Variants in LVRN observed in about 807,000 individuals in gnomAD.
The protein encoded by LVRN is laeverin.
A neutral mutation model predicts 111.4 loss-of-function variants in LVRN; 99 were observed. The observed-to-expected ratio is 0.89, with a 90% CI of 0.76 to 1.05. The LOEUF (loss-of-function observed/expected upper bound fraction) is 1.05, where lower values mean the gene tolerates loss of function less well. LVRN is among the 50% of genes least tolerant of loss of function. The pLI is 0.00. For missense variants in LVRN, 1,414 were observed against 1,206.8 expected, an observed-to-expected ratio of 1.17 and a Z score of -2.54; for synonymous variants, 488 against 449.5, an observed-to-expected ratio of 1.09 and a Z score of -1.08.
At chr5:116,005,208 C>T (rs987407790) in intron 12 of LVRN, among the ~76,000 whole-genome samples, 2 of 152,318 alleles carry the variant, frequency 1.3e-5, no homozygotes, top group South Asian at 2.1e-4. Context: ...TTGACTTGCT[C>T]GGACCCTTAA....
intron 13 of LVRN, among the ~76,000 whole-genome samples, chr5:116,008,303 C>T (rs1309612311): frequency 3.3e-5 from 5 of 152,052 alleles, no homozygotes; most frequent in Admixed American, 6.6e-5. Context: ...GAGATCATGC[C>T]GCTGCACTCC....
rs546657450 is a variant in LVRN at position 115,988,741 on chromosome 5, G to A, written c.1105+802G>A. On this transcript the variant is annotated intron_variant, in intron 4 of 19. Coordinates refer to ENST00000357872, the MANE Select transcript of LVRN (RefSeq NM_173800.5). ...GAGCATTCTGGCTAAGGAGGAATGG[G>A]GAATGAAGGGATGGAAACCAGCCTC... Among the ~76,000 whole-genome samples, 11 of 152,168 alleles carry A rather than the reference G, an allele frequency of 7.2e-5. No individual in the cohort carries two copies. The East Asian group carries it at 1.7e-3, about 24-fold the overall frequency.
At chr5:116,002,498 T>A (rs1370244208) in intron 10 of LVRN, among the ~76,000 whole-genome samples, 1 of 152,220 alleles carries the variant, frequency 6.6e-6, no homozygotes, top group East Asian at 1.9e-4. Flanking sequence ...TAGGTCTGTT[T>A]GCAGCATTTG....
intron 12 of LVRN, chr5:116,005,666 G>A: frequency 3.8e-6 from 2 of 524,290 alleles, no homozygotes; most frequent in East Asian, 3.9e-5. Context: ...GGAGTATTTT[G>A]GCAAAACTTT....
chr5:115,999,705 AT>A, intron 6 of LVRN, 56 bp from the exon 7 acceptor site: 1 of 1,564,638 alleles, frequency 6.4e-7, no homozygotes, highest in South Asian at 1.2e-5. Context: ...GGGCCATAGA[AT>A]TTTGGTCTTC....
intron 3 of LVRN, 48 bp downstream of exon 3, chr5:115,984,757 A>G (rs1003666149): frequency 1.9e-6 from 3 of 1,605,476 alleles, no homozygotes; most frequent in Non-Finnish European, 2.6e-6. Flanking sequence ...CTGGCTGCAG[A>G]TTATTCATCT....
At chr5:116,006,630 T>C (rs575865224) in intron 13 of LVRN, among the ~76,000 whole-genome samples, 1 of 152,356 alleles carries the variant, frequency 6.6e-6, no homozygotes, top group African/African-American at 2.4e-5. Flanking sequence ...ACTCCTCTTC[T>C]ACTGCTGTGA....
chr5:116,022,073 T>C (rs1298981566), intron 18 of LVRN: 1 of 233,276 alleles, frequency 4.3e-6, no homozygotes, highest in Non-Finnish European at 8.3e-6. Context: ...TATTTATTTA[T>C]TCCCTTAGAA....
rs1462925006 is a variant in LVRN, at chr5:115,977,537, C to T, written c.696-5750C>T. On this transcript the variant is annotated intron_variant, in intron 1 of 19. Transcript: ENST00000357872. ...TCCCTGTGGTGGCAAACAGAAGTCT[C>T]ATTATCTTTAGATTTGGGAATGCTA... Among the ~76,000 whole-genome samples the T allele has an allele frequency of 3.3e-5, 5 of 152,142 alleles. No individual in the cohort carries two copies. The South Asian group carries it at 6.2e-4, about 19-fold the overall frequency.
chr5:115,980,077 C>T (rs1753530738), intron 1 of LVRN, among the ~76,000 whole-genome samples: 1 of 152,118 alleles, frequency 6.6e-6, no homozygotes, highest in South Asian at 2.1e-4. Context: ...CTCTGCAATA[C>T]TGACCCACAA....
chr5:115,984,135 C>T (rs1489314960), intron 2 of LVRN, among the ~76,000 whole-genome samples: 2 of 152,258 alleles, frequency 1.3e-5, no homozygotes, highest in East Asian at 1.9e-4. Flanking sequence ...GTGATTTCAG[C>T]TTTAAAGGCC....
In LVRN at chr5:115,962,876, TGGCGACCCCCGG is replaced by T. The variant is rs757630088; in HGVS notation, c.263_274del (p.Arg88_Gly91del). On this transcript the variant is annotated inframe_deletion, in exon 1 of 20. Coordinates refer to ENST00000357872, the MANE Select transcript of LVRN (RefSeq NM_173800.5). ...AGCGGTGACGACCACCCCGAGCAAC[TGGCGACCCCCGG>T]GGCCCTGGGACCAGCTACGCCTGCC... 1.3e-5 allele frequency: 21 copies of T among 1,612,602 alleles called. No homozygotes were observed. The East Asian group carries it at 4.7e-4, about 36-fold the overall frequency.
At position 115,979,467 on chromosome 5, in the gene LVRN, T is replaced by C. The variant is rs138704312; in HGVS notation, c.696-3820T>C. Among the ~76,000 whole-genome samples, 1,183 of 152,166 alleles carry C rather than the reference T, an allele frequency of 7.8e-3. 18 individuals are homozygous for C. The highest frequency in any genetic ancestry group is 0.024 in the African/African-American group (1,011 of 41,526). ...CCCTCCCCTCCATCAAGAGATAGCTTCTCCAATCTCTTTTGTCTCCATTCT... is the reference window on the plus strand; with the variant it reads ...CCCTCCCCTCCATCAAGAGATAGCTCCTCCAATCTCTTTTGTCTCCATTCT... On this transcript the variant is annotated intron_variant, in intron 1 of 19. Coordinates refer to ENST00000357872, the MANE Select transcript of LVRN (RefSeq NM_173800.5).
intron 6 of LVRN, among the ~76,000 whole-genome samples, chr5:115,998,510 A>G (rs981257923): frequency 1.3e-5 from 2 of 152,208 alleles, no homozygotes; most frequent in Admixed American, 6.5e-5. Flanking sequence ...AGGGTGCGAT[A>G]TTATGGGTGA....
At chr5:115,969,132 G>A (rs1753266186) in intron 1 of LVRN, among the ~76,000 whole-genome samples, 1 of 152,182 alleles carries the variant, frequency 6.6e-6, no homozygotes, top group South Asian at 2.1e-4. Flanking sequence ...TTGTGTACAG[G>A]AGGAAGCGTC....
At chr5:116,011,038 C>CCTAAAATGAT (rs1748479856) in intron 14 of LVRN, 144 bp downstream of exon 14, 1 of 181,616 alleles carries the variant, frequency 5.5e-6, no homozygotes, top group Non-Finnish European at 9.4e-6. Context: ...GAAGTATATA[C>CCTAAAATGAT]ATTTCCTTAA....
In LVRN at chr5:115,991,924, T is replaced by G. The variant is rs768877527; in HGVS notation, c.1106-199T>G. Among the ~76,000 whole-genome samples the G allele has an allele frequency of 3.9e-5, 6 of 152,330 alleles. No homozygotes were observed. The East Asian group carries it at 9.6e-4, about 24-fold the overall frequency. On this transcript the variant is annotated intron_variant, in intron 4 of 19. Transcript: ENST00000357872. ...AATACAAGTCCTTTATCAAGAATAT[T>G]TTATGTTAACATAGTGAAAATAATT...
intron 14 of LVRN, among the ~76,000 whole-genome samples, chr5:116,011,754 G>C (rs542101675): frequency 6.6e-6 from 1 of 152,294 alleles, no homozygotes; most frequent in South Asian, 2.1e-4. Context: ...GATAACATCT[G>C]ATGACTTGTT....
intron 16 of LVRN, 55 bp downstream of exon 16, chr5:116,014,582 T>C: frequency 6.9e-7 from 1 of 1,443,698 alleles, no homozygotes; most frequent in South Asian, 1.2e-5. Flanking sequence ...CACCAGCAAT[T>C]TCCCTTTTTG....
Sources: allele counts gnomAD v4.1 joint callset (sites outside exome capture counted in the v4.1 genomes callset), GRCh38; gene constraint gnomAD v4.1.1; transcripts MANE v1.5; gene names NCBI Gene and HGNC (gene_info 2026-07-23, HGNC 2026-07-21).